The following EBF2 variants were observed in gnomAD, a reference collection of about 807,000 sequenced individuals.
The protein encoded by EBF2 is transcription factor COE2.
A neutral mutation model predicts 72.8 loss-of-function variants in EBF2; 21 were observed. The observed-to-expected ratio is 0.29, with a 90% CI of 0.20 to 0.42. The LOEUF is 0.42. Among genes scored for constraint, EBF2 ranks in the 10% least tolerant of loss-of-function variants. The probability of loss-of-function intolerance (pLI) is 1.00; values close to 1 mark genes in which losing one functional copy is unlikely to be tolerated. For synonymous variants in EBF2, 299 were observed against 274.2 expected, an observed-to-expected ratio of 1.09 and a Z score of -0.89; for missense variants, 637 against 731.2, an observed-to-expected ratio of 0.87 and a Z score of 1.49.
intron 5 of EBF2, among the ~76,000 whole-genome samples, chr8:26,036,490 A>G (rs1047349958): frequency 3.9e-5 from 6 of 152,182 alleles, no homozygotes; most frequent in African/African-American, 1.4e-4. Context: ...AATTAGCCCC[A>G]TTTGAGCCCA....
At chr8:25,985,776 G>T (rs956287015) in intron 6 of EBF2, among the ~76,000 whole-genome samples, 1 of 151,978 alleles carries the variant, frequency 6.6e-6, no homozygotes, top group South Asian at 2.1e-4. Context: ...GAGGCAGGCC[G>T]ACCGCTTGAG....
chr8:25,976,792 A>G (rs1027897216), intron 6 of EBF2, among the ~76,000 whole-genome samples: 9 of 152,202 alleles, frequency 5.9e-5, no homozygotes, highest in African/African-American at 1.9e-4. Flanking sequence ...CCCGGTAAAC[A>G]TGGACTCTTA....
At chr8:25,893,854 G>A (rs1160382452) in intron 7 of EBF2, among the ~76,000 whole-genome samples, 1 of 152,172 alleles carries the variant, frequency 6.6e-6, no homozygotes, top group Non-Finnish European at 1.5e-5. Context: ...TGGTTCAGAT[G>A]CACTTCATTA....
intron 6 of EBF2, among the ~76,000 whole-genome samples, chr8:26,015,447 G>A (rs1805094498): frequency 6.6e-6 from 1 of 152,196 alleles, no homozygotes; most frequent in Admixed American, 6.5e-5. Flanking sequence ...ACAGTGCTGA[G>A]TGCAACTAGG....
At chr8:25,998,582 T>C (rs1804673810) in intron 6 of EBF2, among the ~76,000 whole-genome samples, 1 of 152,238 alleles carries the variant, frequency 6.6e-6, no homozygotes, top group South Asian at 2.1e-4. Flanking sequence ...TCTGCTTTCT[T>C]CCCATTTATT....
rs1342780865 is a variant in EBF2, at chr8:26,044,761, G to A, written c.99C>T (p.Val33=). The A allele has an allele frequency of 1.9e-6, 3 of 1,614,162 alleles. No homozygotes were observed. Among genetic ancestry groups the A allele is most frequent in the Non-Finnish European group, 1.7e-6 (2 of 1,180,032 alleles). The change falls in exon 1 of 16, where the codon GTC becomes GTT. Residue 33 remains valine, a synonymous_variant. Coordinates refer to ENST00000520164, the MANE Select transcript of EBF2 (RefSeq NM_022659.4). This position sits in a 1 kb window ranked among gnomAD's most constrained non-coding sequence, Gnocchi z 4.1. ...CGGCGACATTAGCGTCCACCACTCC[G>A]ACATTCCGGACCCAGGACCTGACCG... ...MDSVRSWVRN[V]GVVDANVAAQ...
At position 26,045,089 on chromosome 8, in the gene EBF2, A is replaced by T. The variant is rs528380577; in HGVS notation, c.-230T>A. On this transcript the variant is annotated 5_prime_UTR_variant, in exon 1 of 16. Coordinates refer to ENST00000520164, the MANE Select transcript of EBF2 (RefSeq NM_022659.4). Reference sequence around the variant, plus strand: ...GGGTTCTTATCCTCCGCAAGTTCAGATCTGCCGCCTCAGCCACTCCACCCT... The same window carrying T: ...GGGTTCTTATCCTCCGCAAGTTCAGTTCTGCCGCCTCAGCCACTCCACCCT... The T allele has an allele frequency of 7.0e-5, 31 of 443,986 alleles. No homozygotes were observed. The South Asian group carries it at 9.3e-4, about 13-fold the overall frequency. The allele number at this position is 443,986 out of a possible 1,614,324, so 27.5% of individuals were successfully genotyped here.
At chr8:25,862,520 T>G (rs1373982694) in intron 11 of EBF2, among the ~76,000 whole-genome samples, 189 bp downstream of exon 11, 2 of 152,212 alleles carry the variant, frequency 1.3e-5, no homozygotes, top group African/African-American at 2.4e-5. Flanking sequence ...ATGTTCATAT[T>G]TCCTCAGAGA....
intron 5 of EBF2, 146 bp downstream of exon 5, chr8:26,039,882 A>C: frequency 1.3e-6 from 1 of 755,864 alleles, no homozygotes; most frequent in Non-Finnish European, 2.3e-6. Flanking sequence ...GTTTCCGTGG[A>C]TCTACACTCT....
intron 6 of EBF2, among the ~76,000 whole-genome samples, chr8:25,996,656 A>G (rs759425621): frequency 4.6e-5 from 7 of 152,152 alleles, no homozygotes; most frequent in Admixed American, 1.3e-4. Flanking sequence ...TAAAAGTGAA[A>G]TAAACCCACA....
rs548970043 is a variant in EBF2, at chr8:25,880,563, G to C, written c.1009+6192C>G. Among the ~76,000 whole-genome samples, 338 of 152,182 alleles carry C rather than the reference G, an allele frequency of 2.2e-3. 5 individuals carry two copies. The highest frequency in any genetic ancestry group is 8.0e-3 in the African/African-American group (334 of 41,522). Reference sequence around the variant, plus strand: ...TATTTATACCCTTAATGTGTGCAAAGTGTTTGTTTTTTAAATGTTCTCTTC... The same window carrying C: ...TATTTATACCCTTAATGTGTGCAAACTGTTTGTTTTTTAAATGTTCTCTTC... On this transcript the variant is annotated intron_variant, in intron 10 of 15. Transcript: ENST00000520164.
At chr8:25,923,403 G>C (rs926325183) in intron 6 of EBF2, among the ~76,000 whole-genome samples, 5 of 152,134 alleles carry the variant, frequency 3.3e-5, no homozygotes, top group Admixed American at 6.5e-5. Flanking sequence ...GACAGAACCT[G>C]AAAAATCAGG....
intron 6 of EBF2, among the ~76,000 whole-genome samples, chr8:25,971,889 C>T (rs1050526097): frequency 1.3e-5 from 2 of 152,168 alleles, no homozygotes; most frequent in Admixed American, 6.5e-5. Context: ...ACAGCTCGAG[C>T]GGCCCCTCCA....
chr8:26,013,214 C>T (rs181658680), intron 6 of EBF2, among the ~76,000 whole-genome samples: 12 of 152,268 alleles, frequency 7.9e-5, no homozygotes, highest in Admixed American at 2.0e-4. Flanking sequence ...TAACTGATGA[C>T]GATGACGTCC....
At chr8:26,002,844 AGGCAGGCAGGCG>A (rs1296262378) in intron 6 of EBF2, among the ~76,000 whole-genome samples, 5 of 125,708 alleles carry the variant, frequency 4.0e-5, no homozygotes, top group Admixed American at 1.6e-4. Context: ...GCAGGCAGGC[AGGCAGGCAGGCG>A]GGCAGGCGGG....
chr8:25,990,970 A>T lies in EBF2; in HGVS notation c.551+42115T>A, dbSNP rs59442762. On this transcript the variant is annotated intron_variant, in intron 6 of 15. Coordinates refer to ENST00000520164, the MANE Select transcript of EBF2 (RefSeq NM_022659.4). Reference sequence around the variant, plus strand: ...ATAAACTTCTTTATGCTCCAGTGGAAACTGCTAAGTCCTAGCTGAATGGCA... The same window carrying T: ...ATAAACTTCTTTATGCTCCAGTGGATACTGCTAAGTCCTAGCTGAATGGCA... Among the ~76,000 whole-genome samples, 622 of 152,330 alleles carry T rather than the reference A, an allele frequency of 4.1e-3. 5 individuals are homozygous for T. The highest frequency in any genetic ancestry group is 0.015 in the African/African-American group (606 of 41,570).
At chr8:25,897,213 CTTTT>C (rs927617811) in intron 7 of EBF2, among the ~76,000 whole-genome samples, 1 of 142,200 alleles carries the variant, frequency 7.0e-6, no homozygotes, top group African/African-American at 3.0e-5. Flanking sequence ...GTGCTCTTTT[CTTTT>C]TTTTTAAAAA....
chr8:26,032,852 A>C (rs1805432071), intron 6 of EBF2: 1 of 544,362 alleles, frequency 1.8e-6, no homozygotes, highest in Non-Finnish European at 3.3e-6. Flanking sequence ...ATTAGGCTGA[A>C]GCTGGTGCAC....
chr8:25,857,948 T>C (rs1802127305), intron 14 of EBF2: 1 of 362,852 alleles, frequency 2.8e-6, no homozygotes. Context: ...GAAGAAAAAG[T>C]TCTTATCGAA....
Sources: gnomAD v4.1 joint callset for allele counts (sites outside exome capture counted in the v4.1 genomes callset) on GRCh38, gnomAD v4.1.1 for gene constraint, Gnocchi (gnomAD v3.1) non-coding constraint, MANE v1.5 for transcripts, NCBI Gene and HGNC (gene_info 2026-07-23, HGNC 2026-07-21) for gene names.